ADARB1: variants seen among roughly 807,000 people sequenced by gnomAD.
The protein encoded by ADARB1 is double-stranded RNA-specific editase 1.
Under a neutral mutation model 52.4 loss-of-function variants are expected in ADARB1, and 10 were observed. The observed-to-expected ratio is 0.19, with a 90% CI of 0.12 to 0.32. The LOEUF (loss-of-function observed/expected upper bound fraction) is 0.32, where lower values mean the gene tolerates loss of function less well. Ranked by LOEUF, ADARB1 falls within the 10% of genes least tolerant of loss-of-function variation. ADARB1 has a pLI of 1.00. For synonymous variants in ADARB1, 349 were observed against 371.1 expected (o/e 0.94, Z 0.68); for missense variants, 643 against 922.3 (o/e 0.70, Z 3.92).
intron 8 of ADARB1, among the ~76,000 whole-genome samples, chr21:45,203,006 T>C (rs1342493430): frequency 6.6e-6 from 1 of 150,918 alleles, no homozygotes; most frequent in Non-Finnish European, 1.5e-5. Context: ...CCCTGCAGCG[T>C]GTGCCACACT....
intron 2 of ADARB1, among the ~76,000 whole-genome samples, chr21:45,170,246 C>G (rs1284129034): frequency 6.6e-6 from 1 of 152,186 alleles, no homozygotes; most frequent in Non-Finnish European, 1.5e-5. Flanking sequence ...CAGTATATGT[C>G]ACTAAAAGAG....
chr21:45,154,674 A>G (rs909595091), intron 2 of ADARB1, among the ~76,000 whole-genome samples: 5 of 152,198 alleles, frequency 3.3e-5, no homozygotes, highest in Admixed American at 1.3e-4. Flanking sequence ...CACAGGGCAA[A>G]TAATTGACTG....
rs113686870 is a variant in ADARB1, at chr21:45,160,337, C to T, written c.-47-11273C>T. On this transcript the variant is annotated intron_variant, in intron 2 of 10. Coordinates refer to ENST00000348831, the MANE Select transcript of ADARB1 (RefSeq NM_001112.4). Reference sequence around the variant, plus strand: ...CAGTGGGAGGGCTTACAGACGTTCGCATAGTCTCTTTCTGTTTGGTTGTTT... The same window carrying T: ...CAGTGGGAGGGCTTACAGACGTTCGTATAGTCTCTTTCTGTTTGGTTGTTT... Among the ~76,000 whole-genome samples the T allele has an allele frequency of 5.4e-3, 823 of 152,372 alleles. 9 individuals are homozygous for T. The highest frequency in any genetic ancestry group is 0.019 in the African/African-American group (782 of 41,588).
At chr21:45,126,272 G>A (rs1242520779) in intron 1 of ADARB1, among the ~76,000 whole-genome samples, 3 of 152,172 alleles carry the variant, frequency 2.0e-5, no homozygotes, top group Non-Finnish European at 4.4e-5. Context: ...TGTCCTTGAG[G>A]AGCTGATGTG....
intron 8 of ADARB1, among the ~76,000 whole-genome samples, chr21:45,186,080 T>G (rs2092095422): frequency 6.6e-6 from 1 of 152,264 alleles, no homozygotes; most frequent in Admixed American, 6.5e-5. Context: ...CCTCCACACG[T>G]GCATATGTCA....
intron 1 of ADARB1, among the ~76,000 whole-genome samples, chr21:45,082,562 C>G (rs866441824): frequency 3.3e-5 from 5 of 152,190 alleles, no homozygotes; most frequent in Non-Finnish European, 7.3e-5. Context: ...TCATGACATT[C>G]TTGTAGGAGG....
intron 1 of ADARB1, among the ~76,000 whole-genome samples, chr21:45,112,362 A>G (rs1206346634): frequency 6.6e-6 from 1 of 152,196 alleles, no homozygotes; most frequent in Non-Finnish European, 1.5e-5. Flanking sequence ...CATATCTGCT[A>G]TAGATGAGTG....
At chr21:45,119,715 G>GTTC (rs2088046724) in intron 1 of ADARB1, among the ~76,000 whole-genome samples, 1 of 152,136 alleles carries the variant, frequency 6.6e-6, no homozygotes, top group Non-Finnish European at 1.5e-5. Flanking sequence ...TTTAGAGGAG[G>GTTC]TTCTATACAT....
At chr21:45,098,506 T>G (rs1289629939) in intron 1 of ADARB1, among the ~76,000 whole-genome samples, 1 of 152,194 alleles carries the variant, frequency 6.6e-6, no homozygotes, top group South Asian at 2.1e-4. Flanking sequence ...CCTGCCTGTT[T>G]ATGGAGGCAT....
rs1190964822 is a variant in ADARB1 at position 45,167,930 on chromosome 21, A to G, written c.-47-3680A>G. 2.6e-5 allele frequency among the ~76,000 whole-genome samples: 4 copies of G among 152,070 alleles called. No individual in the cohort carries two copies. The East Asian group carries it at 7.7e-4, about 29-fold the overall frequency. Reference sequence around the variant, plus strand: ...TGCCAAACTACTTTCTAGAGTAGCTATCCCATTTTACATTTCTGCCAGCAG... The same window carrying G: ...TGCCAAACTACTTTCTAGAGTAGCTGTCCCATTTTACATTTCTGCCAGCAG... On this transcript the variant is annotated intron_variant, in intron 2 of 10. Coordinates refer to ENST00000348831, the MANE Select transcript of ADARB1 (RefSeq NM_001112.4).
intron 2 of ADARB1, among the ~76,000 whole-genome samples, chr21:45,150,725 G>C (rs2090242074): frequency 6.6e-6 from 1 of 152,176 alleles, no homozygotes; most frequent in Non-Finnish European, 1.5e-5. Context: ...ATGCTGCTTT[G>C]CCTGGCGGTC....
chr21:45,132,573 G>T (rs1367307659), intron 2 of ADARB1, among the ~76,000 whole-genome samples: 1 of 152,200 alleles, frequency 6.6e-6, no homozygotes. Flanking sequence ...TGGGGGCTGG[G>T]TGGGCACTGG....
Position 45,220,980 on chromosome 21 carries a change from C to T in ADARB1, c.1892C>T (p.Ala631Val), listed in dbSNP as rs2092954562. 1 of 1,613,036 alleles carries T rather than the reference C, an allele frequency of 6.2e-7. No individual in the cohort carries two copies. The stretch of plus-strand genomic sequence containing the variant: ...CGCGCGTCCCGCCTGTGTAAGCACG[C>T]GTTGTACTGTCGCTGGATGCGTGTG... ...LGRASRLCKH[A>V]LYCRWMRVHG... is the part of the protein sequence containing the mutation. The change falls in exon 10 of 11, where the codon GCG (alanine) becomes GTG (valine). Residue 631 changes from alanine to valine, a missense_variant. Transcript: ENST00000348831. The surrounding 1 kb of genome is among the most constrained non-coding windows in gnomAD (Gnocchi z 6.3).
intron 8 of ADARB1, among the ~76,000 whole-genome samples, chr21:45,202,918 G>A (rs8132646): frequency 0.071 from 10,353 of 145,810 alleles, 535 homozygotes; most frequent in East Asian, 0.15. Flanking sequence ...TGTGCTGAGC[G>A]TCTAACCCTG....
chr21:45,144,158 G>A (rs2089891779), intron 2 of ADARB1, among the ~76,000 whole-genome samples: 1 of 152,170 alleles, frequency 6.6e-6, no homozygotes, highest in African/African-American at 2.4e-5. Context: ...AATTTCCCAT[G>A]TGTTGATTTT....
At chr21:45,076,208 A>C (rs963754690) in intron 1 of ADARB1, among the ~76,000 whole-genome samples, 4 of 152,238 alleles carry the variant, frequency 2.6e-5, no homozygotes, top group African/African-American at 9.6e-5. Flanking sequence ...AGAAAGGATA[A>C]AAGCTTGGCT....
chr21:45,152,440 A>T lies in ADARB1; in HGVS notation c.-47-19170A>T, dbSNP rs1018780239. On this transcript the variant is annotated intron_variant, in intron 2 of 10. Coordinates refer to ENST00000348831, the MANE Select transcript of ADARB1 (RefSeq NM_001112.4). ...GGCCCCTTCAGCCTAGTTCTGCCTA[A>T]CTGCGGCATGATGAATGGGCCCGAG... 2.0e-5 allele frequency among the ~76,000 whole-genome samples: 3 copies of T among 152,294 alleles called. No individual in the cohort carries two copies. In the East Asian group the frequency reaches 5.8e-4, roughly 29 times the overall value.
intron 3 of ADARB1, among the ~76,000 whole-genome samples, chr21:45,174,455 C>A (rs1601768963): frequency 6.6e-6 from 1 of 152,142 alleles, no homozygotes; most frequent in South Asian, 2.1e-4. Flanking sequence ...GTAATCCCAG[C>A]ACTTTGGGAG....
intron 1 of ADARB1, among the ~76,000 whole-genome samples, chr21:45,112,332 G>A (rs2087578734): frequency 6.6e-6 from 1 of 152,184 alleles, no homozygotes; most frequent in Non-Finnish European, 1.5e-5. Flanking sequence ...TTTATTCGGT[G>A]TAAAGAGGCA....
Sources: allele counts gnomAD v4.1 joint callset (sites outside exome capture counted in the v4.1 genomes callset), GRCh38; gene constraint gnomAD v4.1.1; non-coding constraint Gnocchi (gnomAD v3.1); transcripts MANE v1.5; gene names NCBI Gene and HGNC (gene_info 2026-07-23, HGNC 2026-07-21).